Variants in RGS6 observed in about 807,000 individuals in gnomAD.
RGS6 encodes the protein regulator of G protein signaling 6, also known as regulator of G-protein signaling 6.
In RGS6, 30 loss-of-function variants were observed where a neutral mutation model predicts 78.5. The observed-to-expected ratio is 0.38, with a 90% CI of 0.29 to 0.52. RGS6 has a LOEUF of 0.52. RGS6 is among the 20% of genes least tolerant of loss of function. The pLI, the probability that RGS6 is intolerant of heterozygous loss-of-function variation, is 0.85. For missense variants in RGS6, 495 were observed against 609.7 expected, an observed-to-expected ratio of 0.81 and a Z score of 1.98; for synonymous variants, 206 against 206.0, an observed-to-expected ratio of 1.00 and a Z score of 0.00.
At chr14:72,319,382 C>T (rs1427155694) in intron 2 of RGS6, among the ~76,000 whole-genome samples, 1 of 150,032 alleles carries the variant, frequency 6.7e-6, no homozygotes, top group Non-Finnish European at 1.5e-5. Flanking sequence ...CGGAGTCTCG[C>T]CCTGTTGCCC....
chr14:72,190,160 G>A (rs549981798), intron 2 of RGS6, among the ~76,000 whole-genome samples: 2 of 152,172 alleles, frequency 1.3e-5, no homozygotes, highest in African/African-American at 4.8e-5. Context: ...TGGGCTACCC[G>A]GGCCTTGCAG....
At chr14:71,985,753 C>T (rs1458183002) in intron 2 of RGS6, among the ~76,000 whole-genome samples, 1 of 152,130 alleles carries the variant, frequency 6.6e-6, no homozygotes, top group Middle Eastern at 3.2e-3. Flanking sequence ...CCATCCTTAT[C>T]CTGAGAGCTT....
At chr14:72,194,035 T>C (rs1336810259) in intron 2 of RGS6, among the ~76,000 whole-genome samples, 3 of 152,102 alleles carry the variant, frequency 2.0e-5, no homozygotes, top group Non-Finnish European at 2.9e-5. Context: ...GTTGAGGGGC[T>C]AGTCAGGAGT....
intron 2 of RGS6, among the ~76,000 whole-genome samples, chr14:72,290,102 A>G (rs1251336331): frequency 6.6e-6 from 1 of 152,250 alleles, no homozygotes; most frequent in Non-Finnish European, 1.5e-5. Flanking sequence ...AAAACAGAAT[A>G]GAGAAATCCT....
chr14:72,547,747 G>A lies in RGS6; in HGVS notation c.1422+7653G>A, dbSNP rs372960237. Among the ~76,000 whole-genome samples, 618 of 152,274 alleles carry A rather than the reference G, an allele frequency of 4.1e-3. 6 individuals carry two copies. The highest frequency in any genetic ancestry group is 0.015 in the African/African-American group (605 of 41,550). On this transcript the variant is annotated intron_variant, in intron 17 of 17. Transcript: ENST00000553525. Reference sequence around the variant, plus strand: ...CACCCCAGCAGTGGCAGGGCCACAGGGCAGCGGTTCTTCCATGCCCCCTAA... The same window carrying A: ...CACCCCAGCAGTGGCAGGGCCACAGAGCAGCGGTTCTTCCATGCCCCCTAA...
At chr14:72,381,657 T>C (rs545583639) in intron 3 of RGS6, among the ~76,000 whole-genome samples, 1 of 152,218 alleles carries the variant, frequency 6.6e-6, no homozygotes, top group Admixed American at 6.5e-5. Context: ...CACTACCCTA[T>C]CTTTACCAAA....
chr14:71,990,876 C>G (rs533040780), intron 2 of RGS6: 13 of 455,932 alleles, frequency 2.9e-5, no homozygotes, highest in African/African-American at 2.6e-4. Flanking sequence ...CAAAACTGTT[C>G]TCCTTCTGAG....
At chr14:72,225,544 G>C (rs2047923819) in intron 2 of RGS6, among the ~76,000 whole-genome samples, 1 of 152,004 alleles carries the variant, frequency 6.6e-6, no homozygotes, top group African/African-American at 2.4e-5. Flanking sequence ...GCCCAGGCTG[G>C]TCTTGAACTC....
intron 2 of RGS6, among the ~76,000 whole-genome samples, chr14:72,290,249 G>T (rs554802633): frequency 1.1e-4 from 17 of 152,272 alleles, no homozygotes; most frequent in Admixed American, 3.3e-4. Context: ...ACCCTATTCA[G>T]TGTTTGGGCT....
At chr14:72,560,531 G>A (rs59442951) in intron 17 of RGS6, among the ~76,000 whole-genome samples, 3,073 of 152,288 alleles carry the variant, frequency 0.02, 96 homozygotes, top group African/African-American at 0.07. Context: ...GAGAGTCACC[G>A]CTGGGTGTGT....
intron 12 of RGS6, among the ~76,000 whole-genome samples, chr14:72,487,664 C>T (rs1453143469): frequency 6.6e-6 from 1 of 152,194 alleles, no homozygotes; most frequent in Non-Finnish European, 1.5e-5. Context: ...CAGGGAGCCT[C>T]TAGAAGCTGG....
chr14:72,442,593 G>C (rs949805390), intron 3 of RGS6, among the ~76,000 whole-genome samples: 1 of 152,154 alleles, frequency 6.6e-6, no homozygotes, highest in South Asian at 2.1e-4. Context: ...TCGTAATAAC[G>C]GCAATGACAA....
intron 2 of RGS6, among the ~76,000 whole-genome samples, chr14:72,152,617 A>G (rs1388442816): frequency 6.6e-6 from 1 of 152,200 alleles, no homozygotes; most frequent in Admixed American, 6.5e-5. Flanking sequence ...AAGATATGTC[A>G]GGTCAAGTAC....
rs562331855 is a variant in RGS6 at position 71,937,717 on chromosome 14, C to T, written c.-21+4776C>T. On this transcript the variant is annotated intron_variant, in intron 1 of 17. Coordinates refer to ENST00000553525, the MANE Select transcript of RGS6 (RefSeq NM_001204424.2). ...TACCACGATGGTGGATAAGGCATTC[C>T]GTGAGTCCACAGATGGTAGTCTTGG... 9.2e-5 allele frequency among the ~76,000 whole-genome samples: 14 copies of T among 152,302 alleles called. No individual in the cohort carries two copies. The South Asian group carries it at 2.7e-3, about 29-fold the overall frequency.
chr14:72,044,826 T>C (rs1436936822), intron 2 of RGS6, among the ~76,000 whole-genome samples: 1 of 152,110 alleles, frequency 6.6e-6, no homozygotes, highest in African/African-American at 2.4e-5. Flanking sequence ...TGAGCCGAGA[T>C]GATGCCACTG....
chr14:72,318,282 C>A (rs568576559), intron 2 of RGS6, among the ~76,000 whole-genome samples: 6 of 152,158 alleles, frequency 3.9e-5, no homozygotes, highest in African/African-American at 1.4e-4. Context: ...GCCAGTCTAG[C>A]CTTTTCACAT....
At chr14:72,053,125 C>CTTCCTTCCTTCCTTCCTTCCTTCCTTCT in intron 2 of RGS6, among the ~76,000 whole-genome samples, 1 of 110,476 alleles carries the variant, frequency 9.1e-6, no homozygotes, top group Non-Finnish European at 1.8e-5. Flanking sequence ...TCCTTCCTTC[C>CTTCCTTCCTTCCTTCCTTCCTTCCTTCT]TTCCTTTCTT....
chr14:72,036,672 C>T (rs1403954258), intron 2 of RGS6, among the ~76,000 whole-genome samples: 1 of 152,092 alleles, frequency 6.6e-6, no homozygotes, highest in Non-Finnish European at 1.5e-5. Context: ...AATTGGACTG[C>T]TTGTTCTCTC....
At chr14:71,932,237 A>T (rs2087929552), upstream of RGS6, among the ~76,000 whole-genome samples, 1 of 151,980 alleles carries the variant, frequency 6.6e-6, no homozygotes, top group Admixed American at 6.5e-5. Context: ...GGAACAGGTG[A>T]GCCGTGCGGC....
Sources: gnomAD v4.1 joint callset for allele counts (sites outside exome capture counted in the v4.1 genomes callset) on GRCh38, gnomAD v4.1.1 for gene constraint, MANE v1.5 for transcripts, NCBI Gene and HGNC (gene_info 2026-07-23, HGNC 2026-07-21) for gene names.